Variants in NUMBL observed in about 807,000 individuals in gnomAD.
NUMBL encodes the protein NUMB like endocytic adaptor protein.
In NUMBL, 20 loss-of-function variants were observed where a neutral mutation model predicts 48.9. That is an observed-to-expected ratio of 0.41 (90% CI 0.29 to 0.59). The LOEUF is 0.59. Ranked by LOEUF, NUMBL falls within the 20% of genes least tolerant of loss-of-function variation. The pLI is 0.31. For synonymous variants in NUMBL, 340 were observed against 348.7 expected (o/e 0.98, Z 0.28); for missense variants, 660 against 846.2 (o/e 0.78, Z 2.73).
Position 40,667,668 on chromosome 19 carries a change from C to T in NUMBL, c.1630G>A (p.Ala544Thr). 6.4e-7 allele frequency: 1 copy of T among 1,567,038 alleles called. No homozygotes were observed. Among genetic ancestry groups the T allele is most frequent in the Non-Finnish European group, 8.6e-7 (1 of 1,156,244 alleles). Residue 544 changes from alanine to threonine, a missense_variant, in exon 10 of 10, where the codon GCC becomes ACC. Physicochemically the swap from Ala to Thr is moderately conservative, Grantham distance 58 (BLOSUM62 0). Coordinates refer to ENST00000252891, the MANE Select transcript of NUMBL (RefSeq NM_004756.5). The surrounding 1 kb of genome is among the most constrained non-coding windows in gnomAD (Gnocchi z 6.1). ...TGGCTCCCAGGGGCACTGGGTATGGCAGGGGGCGGGAAGGCCCCAGCTTTC... is the reference window on the plus strand; with the variant it reads ...TGGCTCCCAGGGGCACTGGGTATGGTAGGGGGCGGGAAGGCCCCAGCTTTC... ...LGKAGAFPPP[A>T]IPSAPGSQAR...
intron 6 of NUMBL, among the ~76,000 whole-genome samples, chr19:40,680,286 C>T (rs916420670): frequency 6.6e-6 from 1 of 151,690 alleles, no homozygotes; most frequent in Non-Finnish European, 1.5e-5. Flanking sequence ...TAGCTGGGAT[C>T]ACAGGCGCCT....
intron 5 of NUMBL, among the ~76,000 whole-genome samples, chr19:40,681,549 A>C (rs62108973): frequency 6.6e-6 from 1 of 152,222 alleles, no homozygotes; most frequent in African/African-American, 2.4e-5. Context: ...CAAGGTGAGC[A>C]AACAGATACC....
At position 40,668,166 on chromosome 19, in the gene NUMBL, G is replaced by T. The variant is rs182397695; in HGVS notation, c.1160-28C>A. ...GGAGAGAGGAGAGGGACAGGTGAGG[G>T]AGGGGGCAACGGCTTCAGCAGAAGA... is the stretch of plus-strand genomic sequence containing the variant. On this transcript the variant is annotated intron_variant, in intron 9 of 9. Transcript: ENST00000252891. 644 of 1,559,560 alleles carry T rather than the reference G, an allele frequency of 4.1e-4. 4 individuals are homozygous for T. The African/African-American group carries it at 8.1e-3, about 20-fold the overall frequency.
chr19:40,669,495 A>C (rs2144648379), intron 9 of NUMBL, among the ~76,000 whole-genome samples: 1 of 151,816 alleles, frequency 6.6e-6, no homozygotes, highest in South Asian at 2.1e-4. Context: ...CGGATCTAGG[A>C]TGATCCCCTG....
rs1332844763 is a variant in NUMBL at position 40,687,975 on chromosome 19, TCA to T, written c.25-982_25-981del. 3.9e-5 allele frequency among the ~76,000 whole-genome samples: 6 copies of T among 152,134 alleles called. No homozygotes were observed. The highest frequency in any genetic ancestry group is 1.2e-4 in the African/African-American group (5 of 41,400). ...TGCTCAAATCTGGTCACAGCATCAGTCACACAGTCTATTGTGACAGCCACACT... is the reference window on the plus strand; with the variant it reads ...TGCTCAAATCTGGTCACAGCATCAGTCACAGTCTATTGTGACAGCCACACT... On this transcript the variant is annotated intron_variant, in intron 1 of 9. Coordinates refer to ENST00000252891, the MANE Select transcript of NUMBL (RefSeq NM_004756.5). This position sits in a 1 kb window ranked among gnomAD's most constrained non-coding sequence, Gnocchi z 4.6.
At chr19:40,671,562 T>C (rs934026744) in intron 8 of NUMBL, among the ~76,000 whole-genome samples, 6 of 152,072 alleles carry the variant, frequency 3.9e-5, no homozygotes, top group African/African-American at 1.4e-4. Context: ...GGACAGCAAA[T>C]GTGAGGGTGT....
At chr19:40,677,885 G>A (rs1183163694) in intron 6 of NUMBL, among the ~76,000 whole-genome samples, 1 of 152,084 alleles carries the variant, frequency 6.6e-6, no homozygotes, top group Non-Finnish European at 1.5e-5. Flanking sequence ...CTATGGGGTG[G>A]GGAATGACTG....
At chr19:40,672,725 ACAG>A (rs765212205) in intron 8 of NUMBL, among the ~76,000 whole-genome samples, 9 of 152,320 alleles carry the variant, frequency 5.9e-5, no homozygotes, top group African/African-American at 1.9e-4. Context: ...TCCCTTAACC[ACAG>A]CAGACATTGC....
At position 40,668,117 on chromosome 19, in the gene NUMBL, G is replaced by A. The variant is rs770932061; in HGVS notation, c.1181C>T (p.Pro394Leu). The change falls in exon 10 of 10, where the codon CCC becomes CTC. Residue 394 changes from proline (P) to leucine (L), a missense_variant. Physicochemically the swap from Pro to Leu is moderately conservative, Grantham distance 98 (BLOSUM62 -3). This residue lies in a region of NUMBL where 296 missense variants were observed against 339.7 expected (regional missense o/e 0.87). Transcript: ENST00000252891. Reference protein sequence around the residue: ...ATTGTSAWGEPSVPPAAAFQP... With the variant: ...ATTGTSAWGELSVPPAAAFQP... ...GAAGGCAGCTGCAGGGGGCACGGAG[G>A]GCTCACCCCAGGCAGAAGTCCCTGG... 1 of 1,602,130 alleles carries A rather than the reference G, an allele frequency of 6.2e-7. No individual in the cohort carries two copies. Among genetic ancestry groups the A allele is most frequent in the Non-Finnish European group, 8.5e-7 (1 of 1,174,298 alleles).
chr19:40,672,531 C>T (rs1220952612), intron 8 of NUMBL, among the ~76,000 whole-genome samples: 1 of 152,232 alleles, frequency 6.6e-6, no homozygotes, highest in Non-Finnish European at 1.5e-5. Context: ...ATGCCCCTGA[C>T]CCCTGGGATC....
At chr19:40,690,415 GC>G in intron 1 of NUMBL, 44 bp downstream of exon 1, 1 of 1,149,534 alleles carries the variant, frequency 8.7e-7, no homozygotes, top group Non-Finnish European at 1.1e-6. Context: ...CACATCAGCA[GC>G]GGCGCCGCCC....
Position 40,680,901 on chromosome 19 carries a change from C to T in NUMBL, c.540+16G>A. On this transcript the variant is annotated intron_variant, in intron 6 of 9. Coordinates refer to ENST00000252891, the MANE Select transcript of NUMBL (RefSeq NM_004756.5). ...GGCATGGGAGGGAAGAGTTGGCCAG[C>T]TGTGGCAATACTCACGGAGTCCTTC... The T allele has an allele frequency of 6.2e-7, 1 of 1,614,028 alleles. No individual in the cohort carries two copies. Among genetic ancestry groups the T allele is most frequent in the Non-Finnish European group, 8.5e-7 (1 of 1,179,920 alleles).
intron 9 of NUMBL, among the ~76,000 whole-genome samples, chr19:40,668,919 C>A (rs1464203885): frequency 6.6e-6 from 1 of 152,160 alleles, no homozygotes; most frequent in Admixed American, 6.6e-5. Context: ...TTCTAAGATT[C>A]TCGAGTTCTA....
chr19:40,670,086 C>A (rs1599901762), intron 8 of NUMBL, 66 bp from the exon 9 acceptor site: 1 of 1,555,058 alleles, frequency 6.4e-7, no homozygotes, highest in South Asian at 1.2e-5. Context: ...CCGCCCTCTA[C>A]CCCCCGCCCT....
rs530208747 is a variant in NUMBL, at chr19:40,682,595, A to G, written c.399+133T>C. On this transcript the variant is annotated intron_variant, in intron 5 of 9. Coordinates refer to ENST00000252891, the MANE Select transcript of NUMBL (RefSeq NM_004756.5). The surrounding 1 kb of genome is among the most constrained non-coding windows in gnomAD (Gnocchi z 4.0). ...ATTTATTCCTGAGTTATGACGACAGAGGGAGCACACGGCATCGTCTAGAAG... is the reference window on the plus strand; with the variant it reads ...ATTTATTCCTGAGTTATGACGACAGGGGGAGCACACGGCATCGTCTAGAAG... The G allele has an allele frequency of 1.4e-4, 108 of 747,796 alleles. No individual in the cohort carries two copies. The South Asian group carries it at 1.8e-3, about 12-fold the overall frequency. The allele number at this position is 747,796 out of a possible 1,614,324, so 46.3% of individuals were successfully genotyped here.
At position 40,666,788 on chromosome 19, in the gene NUMBL, G is replaced by A. The variant is rs1236665921; in HGVS notation, c.*680C>T. On this transcript the variant is annotated 3_prime_UTR_variant, in exon 10 of 10. Coordinates refer to ENST00000252891, the MANE Select transcript of NUMBL (RefSeq NM_004756.5). ...ATAAAAGATAGAAAAGTACCCGCCA[G>A]GCACCCCTTCCCCTTCTTCCCGGAC... 6.5e-6 allele frequency: 1 copy of A among 152,778 alleles called. No homozygotes were observed. The highest frequency in any genetic ancestry group is 1.9e-4 in the East Asian group (1 of 5,200). The allele number at this position is 152,778 out of a possible 1,614,324, so 9.5% of individuals were successfully genotyped here.
intron 3 of NUMBL, among the ~76,000 whole-genome samples, chr19:40,683,861 C>T (rs765976439): frequency 7.9e-5 from 12 of 152,050 alleles, no homozygotes; most frequent in Non-Finnish European, 1.8e-4. Context: ...ACTGCAGCCT[C>T]GACCTTCCTG....
Position 40,682,646 on chromosome 19 carries a change from G to C in NUMBL, c.399+82C>G, listed in dbSNP as rs2081910532. ...GTCCCTGAGGGAGGGATGTGCAGAG[G>C]AGGCGGGAAGGTGTCCTCCGCCCTG... On this transcript the variant is annotated intron_variant, in intron 5 of 9. Coordinates refer to ENST00000252891, the MANE Select transcript of NUMBL (RefSeq NM_004756.5). This position sits in a 1 kb window ranked among gnomAD's most constrained non-coding sequence, Gnocchi z 4.0. The C allele has an allele frequency of 7.7e-7, 1 of 1,295,208 alleles. No homozygotes were observed. The highest frequency in any genetic ancestry group is 1.3e-5 in the South Asian group (1 of 77,248). The allele number at this position is 1,295,208 out of a possible 1,614,324, so 80.2% of individuals were successfully genotyped here.
Position 40,677,173 on chromosome 19 carries a change from CT to C in NUMBL, c.730+58del, listed in dbSNP as rs962179512. ...CTGCACCTCTGCAGCTCCCTGCCCC[CT>C]GATACTGGGTACCCTGTGCCCACTC... On this transcript the variant is annotated intron_variant, in intron 7 of 9. Coordinates refer to ENST00000252891, the MANE Select transcript of NUMBL (RefSeq NM_004756.5). 2.0e-5 allele frequency: 30 copies of C among 1,523,572 alleles called. No homozygotes were observed. The Admixed American group carries it at 4.0e-4, about 20-fold the overall frequency. The allele number at this position is 1,523,572 out of a possible 1,614,324, so 94.4% of individuals were successfully genotyped here.
Sources: allele counts gnomAD v4.1 joint callset (sites outside exome capture counted in the v4.1 genomes callset), GRCh38; gene constraint gnomAD v4.1.1; regional missense constraint gnomAD v4.1.1; non-coding constraint Gnocchi (gnomAD v3.1); transcripts MANE v1.5; gene names NCBI Gene and HGNC (gene_info 2026-07-23, HGNC 2026-07-21).